The following A2ML1 variants were observed in gnomAD, a reference collection of about 807,000 sequenced individuals.
A2ML1 encodes alpha-2-macroglobulin-like protein 1.
Under a neutral mutation model 181.9 loss-of-function variants are expected in A2ML1, and 161 were observed. That is an observed-to-expected ratio of 0.89 (90% CI 0.78 to 1.01). A2ML1 has a LOEUF of 1.01. A2ML1 is among the 50% of genes least tolerant of loss of function. The pLI is 0.00. For missense variants in A2ML1, 1,670 were observed against 1,768.1 expected, an observed-to-expected ratio of 0.94 and a Z score of 1.00; for synonymous variants, 663 against 666.8, an observed-to-expected ratio of 0.99 and a Z score of 0.09.
Position 8,823,930 on chromosome 12 carries a change from G to A in A2ML1, c.409+48G>A, listed in dbSNP as rs757494509. ...TCGACTAAAACCTGGGGAAACCGCT[G>A]TGCACAGGGGTAAAGAGGGGATTTG... On this transcript the variant is annotated intron_variant, in intron 3 of 35. Transcript: ENST00000299698. 12 of 1,566,254 alleles carry A rather than the reference G, an allele frequency of 7.7e-6. No individual in the cohort carries two copies. In the East Asian group the frequency reaches 1.3e-4, roughly 18 times the overall value.
At position 8,851,826 on chromosome 12, in the gene A2ML1, C is replaced by T. The variant is rs761842484; in HGVS notation, c.2277C>T (p.Ala759=). 3.7e-6 allele frequency: 6 copies of T among 1,614,072 alleles called. No homozygotes were observed. In the South Asian group the frequency reaches 5.5e-5, roughly 15 times the overall value. Residue 759 remains alanine, a synonymous_variant, in exon 19 of 36, where the codon GCC becomes GCT. Transcript: ENST00000299698. ...CGGTCCACGTCACAGTTCCTGACGC[C>T]ATCACCGAGTGGAAGGCGATGAGTT... The part of the protein sequence containing the change: ...KEAVHVTVPD[A]ITEWKAMSFC...
At chr12:8,861,414 T>C (rs1377552953) in intron 28 of A2ML1, 117 bp downstream of exon 28, 7 of 1,200,566 alleles carry the variant, frequency 5.8e-6, no homozygotes, top group East Asian at 2.4e-5. Context: ...TTAGTAACAG[T>C]TATTAAGTCA....
chr12:8,861,589 G>A (rs1048133213), intron 28 of A2ML1, among the ~76,000 whole-genome samples: 1 of 152,022 alleles, frequency 6.6e-6, no homozygotes, highest in African/African-American at 2.4e-5. Flanking sequence ...CCGGGTTCAC[G>A]CCATTCTCCT....
chr12:8,853,182 C>T (rs182566564), intron 20 of A2ML1, among the ~76,000 whole-genome samples: 111 of 151,196 alleles, frequency 7.3e-4, no homozygotes, highest in Non-Finnish European at 1.1e-3. Flanking sequence ...GGCAGAGAAG[C>T]GGTCTTGCTC....
At chr12:8,866,800 T>G (rs757780480) in intron 29 of A2ML1, among the ~76,000 whole-genome samples, 1 of 152,182 alleles carries the variant, frequency 6.6e-6, no homozygotes, top group Non-Finnish European at 1.5e-5. Flanking sequence ...AATGTCGAAA[T>G]AAGAATGTAT....
chr12:8,854,897 T>C, intron 22 of A2ML1, 66 bp downstream of exon 22: 1 of 542,536 alleles, frequency 1.8e-6, no homozygotes, highest in African/African-American at 5.3e-5. Flanking sequence ...TTTCTTTTCA[T>C]TTTTTTTTTT....
chr12:8,884,278 T>C (rs1944900437), intron 7 of A2ML1, among the ~76,000 whole-genome samples: 1 of 151,526 alleles, frequency 6.6e-6, no homozygotes, highest in African/African-American at 2.4e-5. Flanking sequence ...TTTTTTTAAC[T>C]TTTATTTGAG....
chr12:8,833,771 T>C (rs968772748), intron 4 of A2ML1, among the ~76,000 whole-genome samples: 5 of 152,186 alleles, frequency 3.3e-5, no homozygotes, highest in African/African-American at 1.2e-4. Flanking sequence ...ATTCTCCTCC[T>C]GATGTTTATA....
chr12:8,880,869 A>G (rs1310706246), downstream of A2ML1, among the ~76,000 whole-genome samples: 1 of 152,194 alleles, frequency 6.6e-6, no homozygotes, highest in African/African-American at 2.4e-5. Context: ...ATCTTATGGG[A>G]GCCATAATGA....
chr12:8,885,051 G>T (rs1256519291), intron 7 of A2ML1, among the ~76,000 whole-genome samples: 1 of 152,174 alleles, frequency 6.6e-6, no homozygotes, highest in East Asian at 1.9e-4. Context: ...TAATGGGATT[G>T]CTGGCTTGTG....
intron 1 of A2ML1, 43 bp downstream of exon 1, chr12:8,822,756 T>C (rs375771882): frequency 2.9e-5 from 46 of 1,584,064 alleles, no homozygotes; most frequent in Non-Finnish European, 3.9e-5. Context: ...GGCAGCGGCT[T>C]CTTCGCCTAA....
At chr12:8,843,721 C>CTTTTTTTTTT (rs756360339) in intron 12 of A2ML1, among the ~76,000 whole-genome samples, 3 of 133,606 alleles carry the variant, frequency 2.2e-5, no homozygotes, top group Non-Finnish European at 3.2e-5. Flanking sequence ...CTTTTTTTTT[C>CTTTTTTTTTT]TTTTTTTTTT....
At position 8,831,318 on chromosome 12, in the gene A2ML1, G is replaced by A. The variant is rs187784353; in HGVS notation, c.462+1539G>A. Among the ~76,000 whole-genome samples the A allele has an allele frequency of 3.0e-4, 46 of 152,286 alleles. 1 individual carries two copies. Among genetic ancestry groups the A allele is most frequent in the East Asian group, 1.2e-3 (6 of 5,188 alleles). On this transcript the variant is annotated intron_variant, in intron 4 of 35. Coordinates refer to ENST00000299698, the MANE Select transcript of A2ML1 (RefSeq NM_144670.6). ...AACAAGGAAGTGCTGGGTTCAAAGCGTGGCCCGCAGCAGCACTATTTTAGA... is the reference window on the plus strand; with the variant it reads ...AACAAGGAAGTGCTGGGTTCAAAGCATGGCCCGCAGCAGCACTATTTTAGA...
chr12:8,884,235 T>A (rs1276292656), intron 7 of A2ML1, among the ~76,000 whole-genome samples: 1 of 144,650 alleles, frequency 6.9e-6, no homozygotes, highest in East Asian at 2.0e-4. Context: ...TTTTTTGTTT[T>A]TTTTTGTTTT....
At chr12:8,855,473 C>A in intron 22 of A2ML1, 36 bp from the exon 23 acceptor site, 2 of 1,605,956 alleles carry the variant, frequency 1.2e-6, no homozygotes, top group Non-Finnish European at 1.7e-6. Context: ...CATTCCCCAT[C>A]TTCTATTGTG....
chr12:8,825,406 G>A (rs1046333270), intron 3 of A2ML1, among the ~76,000 whole-genome samples: 1 of 152,068 alleles, frequency 6.6e-6, no homozygotes, highest in Non-Finnish European at 1.5e-5. Flanking sequence ...TTTGAGAAAT[G>A]TCTATTCAGA....
rs1333028447 is a variant in A2ML1 at position 8,835,601 on chromosome 12, TG to T, written c.581del (p.Gly194AlafsTer44). 1.2e-6 allele frequency: 2 copies of T among 1,614,086 alleles called. No individual in the cohort carries two copies. Among genetic ancestry groups the T allele is most frequent in the Non-Finnish European group, 1.7e-6 (2 of 1,180,042 alleles). ...LSFQLAPEAM[L>X]GTYTVAVAEG... ...TTCCAACTGGCACCAGAGGCAATGC[TG>T]GGCACCTACACTGTGGCAGTGGCTG... On this transcript the variant is annotated frameshift_variant, in exon 6 of 36. Transcript: ENST00000299698. LOFTEE classifies it high-confidence loss of function.
At chr12:8,845,289 C>CA in intron 12 of A2ML1, 153 bp from the exon 13 acceptor site, 6 of 1,431,396 alleles carry the variant, frequency 4.2e-6, no homozygotes, top group Non-Finnish European at 5.7e-6. Flanking sequence ...CTGCATTTGT[C>CA]AAGCTAGTGG....
intron 7 of A2ML1, among the ~76,000 whole-genome samples, chr12:8,882,072 G>C (rs1944877529): frequency 6.6e-6 from 1 of 152,072 alleles, no homozygotes; most frequent in East Asian, 1.9e-4. Context: ...TGTTGAGATA[G>C]TGGGATATAA....
Sources: allele counts gnomAD v4.1 joint callset (sites outside exome capture counted in the v4.1 genomes callset), GRCh38; gene constraint gnomAD v4.1.1; transcripts MANE v1.5; gene names NCBI Gene and HGNC (gene_info 2026-07-23, HGNC 2026-07-21).